The following TMEM255A variants were observed in gnomAD, a reference collection of about 807,000 sequenced individuals.
TMEM255A encodes the protein family with sequence similarity 70, member A.
Under a neutral mutation model 23.5 loss-of-function variants are expected in TMEM255A, and 14 were observed. The ratio of observed to expected loss-of-function variants is 0.60; its 90% confidence interval spans 0.39 to 0.93. The LOEUF (loss-of-function observed/expected upper bound fraction) is 0.93. TMEM255A is among the 40% of genes least tolerant of loss of function. The pLI, the probability that TMEM255A is intolerant of heterozygous loss-of-function variation, is 0.00. For synonymous variants in TMEM255A, 104 were observed against 100.3 expected (o/e 1.04, Z -0.22); for missense variants, 233 against 261.7 (o/e 0.89, Z 0.76).
downstream of TMEM255A, chrX:120,255,294 G>T (rs2057630898): frequency 8.3e-7 from 1 of 1,211,879 alleles, no homozygotes; most frequent in Non-Finnish European, 1.1e-6. Context: ...AGAACCTCCA[G>T]TAGGGACCAC....
At chrX:120,285,474 G>A in intron 5 of TMEM255A, 1 of 826,154 alleles carries the variant, frequency 1.2e-6, no homozygotes, top group Non-Finnish European at 1.8e-6. Flanking sequence ...ATGGAGAGAA[G>A]GAAGGACAGA....
At chrX:120,266,005 A>AAAG (rs61069855) in intron 8 of TMEM255A, among the ~76,000 whole-genome samples, 2 of 105,476 alleles carry the variant, frequency 1.9e-5, no homozygotes, top group African/African-American at 6.9e-5. Flanking sequence ...AAAAAAAAAA[A>AAAG]TAGCCGGGCA....
intron 2 of TMEM255A, among the ~76,000 whole-genome samples, chrX:120,302,214 CCTTT>C (rs2058037464): frequency 9.0e-6 from 1 of 111,182 alleles, no homozygotes; most frequent in African/African-American, 3.3e-5. Flanking sequence ...CACCCTCCTT[CCTTT>C]GTTAACGTAT....
chrX:120,267,923 C>G (rs1556017852), intron 8 of TMEM255A, among the ~76,000 whole-genome samples: 1 of 111,110 alleles, frequency 9.0e-6, no homozygotes, highest in Non-Finnish European at 1.9e-5. Context: ...AATGAGCTGC[C>G]ATTTCCCAAC....
chrX:120,272,741 T>A (rs2057770110), intron 7 of TMEM255A, among the ~76,000 whole-genome samples: 1 of 40,530 alleles, frequency 2.5e-5, no homozygotes, highest in Non-Finnish European at 3.7e-5. Context: ...TCTTGGGCTA[T>A]TTTTTTTTTT....
chrX:120,301,898 G>A (rs1383826741), intron 2 of TMEM255A, among the ~76,000 whole-genome samples: 5 of 111,853 alleles, frequency 4.5e-5, no homozygotes, highest in Non-Finnish European at 9.4e-5. Flanking sequence ...GGTATGAGTC[G>A]TAATTGTATT....
intron 1 of TMEM255A, among the ~76,000 whole-genome samples, chrX:120,308,575 C>T (rs782598004): frequency 1.8e-5 from 2 of 111,880 alleles, no homozygotes; most frequent in Middle Eastern, 4.7e-3. Context: ...GCCTCAAGAC[C>T]CTGCCAATCT....
At chrX:120,254,220 G>GT, downstream of TMEM255A, 1 of 1,211,817 alleles carries the variant, frequency 8.3e-7, no homozygotes, top group Non-Finnish European at 1.1e-6. Context: ...AAAATTGTTG[G>GT]TATCTTCAGC....
chrX:120,294,054 G>A lies in TMEM255A; in HGVS notation c.202-3C>T, dbSNP rs1556023530. 8.5e-7 allele frequency: 1 copy of A among 1,171,889 alleles called. No homozygotes were observed. Among genetic ancestry groups the A allele is most frequent in the African/African-American group, 1.8e-5 (1 of 56,323 alleles). On this transcript the variant is annotated splice_region_variant and splice_polypyrimidine_tract_variant and intron_variant, in intron 2 of 8. Coordinates refer to ENST00000371369, the MANE Select transcript of TMEM255A (RefSeq NM_001104544.3). The stretch of plus-strand genomic sequence containing the variant: ...CCAAGGAACGATCCAAAGCCGAGCT[G>A]CAAAGCAATATGGCATACATAGTAT...
intron 2 of TMEM255A, among the ~76,000 whole-genome samples, chrX:120,303,309 G>A (rs1429694912): frequency 1.8e-5 from 2 of 111,461 alleles, no homozygotes; most frequent in African/African-American, 6.5e-5. Context: ...CCCTCTGTCC[G>A]TGTGAATGTC....
intron 5 of TMEM255A, 119 bp downstream of exon 5, chrX:120,287,035 A>G (rs782639015): frequency 1.6e-6 from 1 of 621,843 alleles, no homozygotes; most frequent in Admixed American, 2.4e-5. Flanking sequence ...TGAACAAATC[A>G]GCTATACATA....
intron 7 of TMEM255A, among the ~76,000 whole-genome samples, chrX:120,271,429 T>C (rs1337049448): frequency 8.9e-6 from 1 of 111,745 alleles, no homozygotes; most frequent in Non-Finnish European, 1.9e-5. Context: ...GTAGTAATAG[T>C]GAAGATTAAC....
chrX:120,296,892 G>T (rs372562570), intron 2 of TMEM255A, among the ~76,000 whole-genome samples: 567 of 4,076 alleles, frequency 0.14, 113 homozygotes, highest in South Asian at 0.17. Context: ...TATTATATAT[G>T]ATATATATAA....
intron 7 of TMEM255A, among the ~76,000 whole-genome samples, chrX:120,272,317 C>G (rs968650316): frequency 1.8e-5 from 2 of 111,954 alleles, no homozygotes; most frequent in African/African-American, 6.5e-5. Flanking sequence ...CATGAGGACC[C>G]TGCAGCCCAG....
chrX:120,309,721 GCTCT>G (rs781932321), intron 1 of TMEM255A, among the ~76,000 whole-genome samples: 2 of 110,230 alleles, frequency 1.8e-5, no homozygotes, highest in African/African-American at 6.6e-5. Context: ...TCGCTCTCGC[GCTCT>G]CTCTCTCTCC....
chrX:120,294,425 C>T (rs2057940416), intron 2 of TMEM255A, among the ~76,000 whole-genome samples: 1 of 99,831 alleles, frequency 1.0e-5, no homozygotes, highest in Non-Finnish European at 2.0e-5. Flanking sequence ...CAGAGCGAGA[C>T]TCCGTCTCAA....
intron 2 of TMEM255A, among the ~76,000 whole-genome samples, chrX:120,296,609 C>T (rs368375679): frequency 4.1e-5 from 3 of 73,046 alleles, no homozygotes; most frequent in East Asian, 7.5e-4. Context: ...GAATAATTCA[C>T]GCAGCCAGGA....
rs998621018 is a variant in TMEM255A at position 120,303,257 on chromosome X, A to G, written c.201+1092T>C. Reference sequence around the variant, plus strand: ...TATTGTTTATCTAAAATAATAAGAAACCAAACATTACTAATATTTAATAAA... The same window carrying G: ...TATTGTTTATCTAAAATAATAAGAAGCCAAACATTACTAATATTTAATAAA... On this transcript the variant is annotated intron_variant, in intron 2 of 8. Coordinates refer to ENST00000371369, the MANE Select transcript of TMEM255A (RefSeq NM_001104544.3). Among the ~76,000 whole-genome samples, 24 of 111,458 alleles carry G rather than the reference A, an allele frequency of 2.2e-4. 1 individual carries two copies. Among genetic ancestry groups the G allele is most frequent in the African/African-American group, 7.2e-4 (22 of 30,607 alleles).
intron 2 of TMEM255A, among the ~76,000 whole-genome samples, chrX:120,300,554 ATTTTTTTTT>A (rs368966488): frequency 1.3e-5 from 1 of 74,204 alleles, no homozygotes; most frequent in Middle Eastern, 8.0e-3. Flanking sequence ...GGCCAGGCTA[ATTTTTTTTT>A]TTTTTTTTTT....
Sources: allele counts gnomAD v4.1 joint callset (sites outside exome capture counted in the v4.1 genomes callset), GRCh38; gene constraint gnomAD v4.1.1; transcripts MANE v1.5; gene names NCBI Gene and HGNC (gene_info 2026-07-23, HGNC 2026-07-21).